The following CFAP299 variants were observed in gnomAD, a reference collection of about 807,000 sequenced individuals.
The protein encoded by CFAP299 is cilia- and flagella-associated protein 299.
Under a neutral mutation model 27.0 loss-of-function variants are expected in CFAP299, and 21 were observed. The ratio of observed to expected loss-of-function variants is 0.78; its 90% CI spans 0.55 to 1.12. The LOEUF is 1.12. Among genes scored for constraint, CFAP299 ranks in the 50% most tolerant of loss-of-function variants. The pLI, the probability that CFAP299 is intolerant of heterozygous loss-of-function variation, is 0.00. For synonymous variants in CFAP299, 104 were observed against 98.1 expected, an observed-to-expected ratio of 1.06 and a Z score of -0.36; for missense variants, 310 against 276.6, an observed-to-expected ratio of 1.12 and a Z score of -0.86.
At chr4:80,842,079 G>T (rs531102431) in intron 3 of CFAP299, among the ~76,000 whole-genome samples, 1 of 152,042 alleles carries the variant, frequency 6.6e-6, no homozygotes, top group South Asian at 2.1e-4. Flanking sequence ...TAGAATGAAT[G>T]GGGTGGCTGG....
intron 3 of CFAP299, among the ~76,000 whole-genome samples, chr4:80,765,188 G>A (rs1319652986): frequency 6.6e-6 from 1 of 152,148 alleles, no homozygotes; most frequent in Non-Finnish European, 1.5e-5. Flanking sequence ...CTGCATATGA[G>A]GGAAAATAAA....
intron 4 of CFAP299, among the ~76,000 whole-genome samples, chr4:80,900,847 T>C (rs1057463309): frequency 4.6e-5 from 7 of 151,952 alleles, no homozygotes; most frequent in African/African-American, 1.7e-4. Flanking sequence ...GTCCTTTTGT[T>C]TCTGCATTTT....
At chr4:80,562,406 T>C (rs898124523) in intron 2 of CFAP299, among the ~76,000 whole-genome samples, 8 of 152,064 alleles carry the variant, frequency 5.3e-5, no homozygotes, top group African/African-American at 1.7e-4. Flanking sequence ...GAGACTAGCC[T>C]GTCCAACATG....
At chr4:80,615,669 T>A (rs1346366980) in intron 3 of CFAP299, among the ~76,000 whole-genome samples, 1 of 152,096 alleles carries the variant, frequency 6.6e-6, no homozygotes, top group Non-Finnish European at 1.5e-5. Context: ...TCCAAGTAGC[T>A]GGGATCCCAG....
intron 4 of CFAP299, among the ~76,000 whole-genome samples, chr4:80,922,891 C>T (rs1736115351): frequency 6.7e-6 from 1 of 149,520 alleles, no homozygotes; most frequent in South Asian, 2.1e-4. Flanking sequence ...TCTATACATA[C>T]ATATATAATA....
At chr4:80,536,363 C>T (rs1733739080) in intron 2 of CFAP299, among the ~76,000 whole-genome samples, 2 of 152,096 alleles carry the variant, frequency 1.3e-5, no homozygotes, top group African/African-American at 4.8e-5. Context: ...TGTGTAATTA[C>T]TCAATCAGTA....
chr4:80,678,851 T>G (rs1293051117), intron 3 of CFAP299, among the ~76,000 whole-genome samples: 1 of 152,104 alleles, frequency 6.6e-6, no homozygotes, highest in African/African-American at 2.4e-5. Context: ...CAACATCTTG[T>G]ATAAATGTAC....
intron 3 of CFAP299, among the ~76,000 whole-genome samples, chr4:80,833,040 T>C (rs1192325487): frequency 1.3e-5 from 2 of 152,084 alleles, no homozygotes; most frequent in African/African-American, 2.4e-5. Flanking sequence ...TAACTGAAAG[T>C]ATTACGTTTT....
At chr4:80,419,376 G>C (rs1727176170) in intron 2 of CFAP299, among the ~76,000 whole-genome samples, 1 of 152,178 alleles carries the variant, frequency 6.6e-6, no homozygotes, top group Non-Finnish European at 1.5e-5. Flanking sequence ...CATGAGCATT[G>C]TGTTTACTGG....
At chr4:80,700,744 A>G (rs368973676) in intron 3 of CFAP299, among the ~76,000 whole-genome samples, 10 of 152,218 alleles carry the variant, frequency 6.6e-5, no homozygotes, top group East Asian at 5.8e-4. Context: ...AGGTATGACA[A>G]TAGCCAGATA....
At chr4:80,809,664 A>C (rs1446324410) in intron 3 of CFAP299, among the ~76,000 whole-genome samples, 1 of 152,038 alleles carries the variant, frequency 6.6e-6, no homozygotes, top group African/African-American at 2.4e-5. Flanking sequence ...ATTGGTGCAA[A>C]TTTACAAATT....
At chr4:80,550,760 A>AACAT (rs1553933328) in intron 2 of CFAP299, among the ~76,000 whole-genome samples, 4 of 148,718 alleles carry the variant, frequency 2.7e-5, no homozygotes, top group Non-Finnish European at 6.0e-5. Context: ...ATTAACTCAA[A>AACAT]ACACACACAC....
Position 80,743,084 on chromosome 4 carries a change from G to A in CFAP299, c.334-126909G>A, listed in dbSNP as rs577085926. On this transcript the variant is annotated intron_variant, in intron 3 of 5. Transcript: ENST00000358105. Reference sequence around the variant, plus strand: ...CTTTTGTAGTTAACCTGATTGTGCAGCTAATTGTTCAAAAGTTGTACAAGT... The same window carrying A: ...CTTTTGTAGTTAACCTGATTGTGCAACTAATTGTTCAAAAGTTGTACAAGT... 4.5e-4 allele frequency among the ~76,000 whole-genome samples: 68 copies of A among 152,180 alleles called. 1 individual carries two copies. The highest frequency in any genetic ancestry group is 1.6e-3 in the African/African-American group (66 of 41,520).
chr4:80,599,441 T>C (rs1438588170), intron 3 of CFAP299, among the ~76,000 whole-genome samples: 1 of 152,202 alleles, frequency 6.6e-6, no homozygotes, highest in African/African-American at 2.4e-5. Flanking sequence ...CTATCCTTAA[T>C]TCTCTACTGT....
At chr4:80,886,836 G>T (rs912402452) in intron 4 of CFAP299, among the ~76,000 whole-genome samples, 1 of 152,050 alleles carries the variant, frequency 6.6e-6, no homozygotes, top group African/African-American at 2.4e-5. Context: ...AGATAACCCA[G>T]AGAAGTTTAG....
chr4:80,675,184 C>A (rs1256025827), intron 3 of CFAP299, among the ~76,000 whole-genome samples: 7 of 152,134 alleles, frequency 4.6e-5, no homozygotes. Flanking sequence ...GTCTTTGATG[C>A]TGATGCCTAC....
chr4:80,659,039 A>C (rs975964831), intron 3 of CFAP299, among the ~76,000 whole-genome samples: 5 of 152,176 alleles, frequency 3.3e-5, no homozygotes, highest in African/African-American at 1.2e-4. Flanking sequence ...TACAGACTTT[A>C]TGAAATATTT....
chr4:80,462,745 C>T (rs996568219), intron 2 of CFAP299, among the ~76,000 whole-genome samples: 19 of 152,302 alleles, frequency 1.2e-4, no homozygotes, highest in African/African-American at 4.1e-4. Context: ...GATGGGTGAT[C>T]TGGAGATGCT....
intron 3 of CFAP299, among the ~76,000 whole-genome samples, chr4:80,842,207 G>C (rs1474454666): frequency 6.6e-6 from 1 of 152,132 alleles, no homozygotes; most frequent in Non-Finnish European, 1.5e-5. Flanking sequence ...GGGTTCCCAA[G>C]TTCTAACTCT....
Sources: allele counts gnomAD v4.1 joint callset (sites outside exome capture counted in the v4.1 genomes callset), GRCh38; gene constraint gnomAD v4.1.1; transcripts MANE v1.5; gene names NCBI Gene and HGNC (gene_info 2026-07-23, HGNC 2026-07-21).